FAM149A: variants seen among roughly 807,000 people sequenced by gnomAD.
FAM149A encodes the protein protein FAM149A.
In FAM149A, 71 loss-of-function variants were observed where a neutral mutation model predicts 78.2. That is an observed-to-expected ratio of 0.91 (90% CI 0.75 to 1.11). FAM149A has a LOEUF of 1.11. Among genes scored for constraint, FAM149A ranks in the 50% least tolerant of loss-of-function variants. The pLI, the probability that FAM149A is intolerant of heterozygous loss-of-function variation, is 0.00. For missense variants in FAM149A, 1,036 were observed against 971.0 expected, an observed-to-expected ratio of 1.07 and a Z score of -0.89; for synonymous variants, 446 against 410.5, an observed-to-expected ratio of 1.09 and a Z score of -1.04.
chr4:186,161,709 A>T (rs904103630), intron 8 of FAM149A, among the ~76,000 whole-genome samples: 24 of 152,342 alleles, frequency 1.6e-4, no homozygotes, highest in Admixed American at 1.5e-3. Flanking sequence ...TGTTAAAAAA[A>T]AATAAGTGGA....
At chr4:186,146,748 G>C in intron 1 of FAM149A, 1 of 967,384 alleles carries the variant, frequency 1.0e-6, no homozygotes, top group South Asian at 4.8e-5. Flanking sequence ...ACTTTTTAAC[G>C]AGTAAAACGT....
intron 3 of FAM149A, among the ~76,000 whole-genome samples, chr4:186,150,595 A>AT (rs1733475548): frequency 1.0e-5 from 1 of 97,454 alleles, no homozygotes; most frequent in Non-Finnish European, 2.1e-5. Context: ...AATTTTTTGT[A>AT]TTTTTAATAG....
intron 10 of FAM149A, among the ~76,000 whole-genome samples, chr4:186,165,091 C>A (rs924789097): frequency 3.9e-5 from 6 of 152,186 alleles, no homozygotes; most frequent in Admixed American, 2.0e-4. Flanking sequence ...CTGACCCCCC[C>A]ACACACCAGC....
intron 13 of FAM149A, chr4:186,169,111 T>G: frequency 1.3e-6 from 1 of 763,186 alleles, no homozygotes; most frequent in Non-Finnish European, 1.6e-6. Context: ...AAGTAGAGGT[T>G]TGGAGTGGGA....
In FAM149A at chr4:186,167,016, G is replaced by A. The variant is rs141044925; in HGVS notation, c.2059G>A (p.Gly687Ser). The stretch of plus-strand genomic sequence containing the variant: ...CCGTGTGTTGAGTGCCATGCCTGAC[G>A]GTACAGAACGATCGCGTCTTCGAGA... The change falls in exon 12 of 14, where the codon GGT becomes AGT. Residue 687 changes from glycine (G) to serine (S), a missense_variant. Coordinates refer to ENST00000389354, the MANE Select transcript of FAM149A (RefSeq NM_001367768.3). The A allele has an allele frequency of 9.3e-4, 1,507 of 1,614,048 alleles. 10 individuals carry two copies. The African/African-American group carries it at 0.016, about 17-fold the overall frequency.
At position 186,144,797 on chromosome 4, in the gene FAM149A, G is replaced by T. The variant is rs1280237460; in HGVS notation, c.567-4376G>T. On this transcript the variant is annotated intron_variant, in intron 1 of 13. Coordinates refer to ENST00000389354, the MANE Select transcript of FAM149A (RefSeq NM_001367768.3). This position sits in a 1 kb window ranked among gnomAD's most constrained non-coding sequence, Gnocchi z 4.2. Reference sequence around the variant, plus strand: ...CCGGGATTAGCTGGCGGGCGAGGGCGCAGCGCAGGGAGGAGGAGGGGAGGC... The same window carrying T: ...CCGGGATTAGCTGGCGGGCGAGGGCTCAGCGCAGGGAGGAGGAGGGGAGGC... The T allele has an allele frequency of 2.0e-6, 2 of 981,444 alleles. No homozygotes were observed. Among genetic ancestry groups the T allele is most frequent in the African/African-American group, 1.8e-5 (1 of 56,890 alleles). 60.8% of individuals were successfully genotyped at this position (981,444 alleles called of 1,614,324 possible).
chr4:186,126,190 G>A (rs947752106), intron 1 of FAM149A: 21 of 733,224 alleles, frequency 2.9e-5, no homozygotes, highest in South Asian at 1.2e-4. Flanking sequence ...AGTAAGCCTC[G>A]CGCCTTGTTA....
chr4:186,146,480 C>T, intron 1 of FAM149A: 1 of 985,382 alleles, frequency 1.0e-6, no homozygotes, highest in Non-Finnish European at 1.2e-6. Flanking sequence ...GAGATGAGTT[C>T]CTCCGTTTTG....
At chr4:186,153,488 C>G in intron 4 of FAM149A, 157 bp from the exon 5 acceptor site, 5 of 984,880 alleles carry the variant, frequency 5.1e-6, no homozygotes, top group Non-Finnish European at 6.0e-6. Flanking sequence ...CCTAAACTCT[C>G]AAAGTCACAC....
chr4:186,150,460 C>T (rs1352433137), intron 3 of FAM149A, among the ~76,000 whole-genome samples: 4 of 125,022 alleles, frequency 3.2e-5, no homozygotes, highest in East Asian at 2.4e-4. Flanking sequence ...CGCTCTGTCG[C>T]CCAGGCTGGA....
At chr4:186,154,099 C>T (rs764291034) in intron 5 of FAM149A, among the ~76,000 whole-genome samples, 1 of 152,188 alleles carries the variant, frequency 6.6e-6, no homozygotes, top group Non-Finnish European at 1.5e-5. Flanking sequence ...GGATTATAAG[C>T]CTCCAGGCGG....
At position 186,128,160 on chromosome 4, in the gene FAM149A, T is replaced by G. The variant is rs148035663; in HGVS notation, c.567-21013T>G. The stretch of plus-strand genomic sequence containing the variant: ...TGCATGCCACCATGCCCCACTAATT[T>G]TTGTATTTTTAGTAGAGATGGCTTC... On this transcript the variant is annotated intron_variant, in intron 1 of 13. Transcript: ENST00000389354. 8.9e-3 allele frequency among the ~76,000 whole-genome samples: 1,348 copies of G among 152,026 alleles called. 25 individuals are homozygous for G. Among genetic ancestry groups the G allele is most frequent in the African/African-American group, 0.031 (1,289 of 41,472 alleles).
At chr4:186,150,918 C>G (rs1733520037) in intron 3 of FAM149A, 1 of 306,474 alleles carries the variant, frequency 3.3e-6, no homozygotes, top group Non-Finnish European at 4.8e-6. Context: ...GACGGTGTTT[C>G]ACCATGTTGG....
intron 6 of FAM149A, among the ~76,000 whole-genome samples, chr4:186,155,467 A>T (rs1733973533): frequency 6.6e-6 from 1 of 152,230 alleles, no homozygotes; most frequent in Non-Finnish European, 1.5e-5. Flanking sequence ...ACTCACAAAT[A>T]TGTGTAAACT....
At position 186,131,834 on chromosome 4, in the gene FAM149A, A is replaced by T. The variant is rs572450943; in HGVS notation, c.567-17339A>T. 8.5e-6 allele frequency: 8 copies of T among 946,000 alleles called. No homozygotes were observed. The East Asian group carries it at 5.8e-4, about 69-fold the overall frequency. 58.6% of individuals were successfully genotyped at this position (946,000 alleles called of 1,614,324 possible). A position where few individuals can be genotyped will look rare whatever the true frequency, so the allele number is the denominator to read the frequency against. ...ACAAAATAATTGCTAACCAAAAAGT[A>T]AAAGTTACACTGCATTAAAATTAAG... On this transcript the variant is annotated intron_variant, in intron 1 of 13. Transcript: ENST00000389354.
intron 1 of FAM149A, among the ~76,000 whole-genome samples, chr4:186,119,341 T>G (rs1266831715): frequency 1.3e-5 from 2 of 152,040 alleles, no homozygotes; most frequent in African/African-American, 2.4e-5. Flanking sequence ...TTTTGAGAGG[T>G]AGAAATAATG....
At chr4:186,154,320 G>A (rs6552958) in intron 5 of FAM149A, 148 bp from the exon 6 acceptor site, 275,615 of 588,986 alleles carry the variant, frequency 0.47, 67,922 homozygotes, top group African/African-American at 0.76. Context: ...TTTTAAGGAC[G>A]TGAGTTTTGT....
intron 3 of FAM149A, 26 bp from the exon 4 acceptor site, chr4:186,151,877 G>A (rs781412821): frequency 8.7e-6 from 14 of 1,612,056 alleles, no homozygotes; most frequent in Admixed American, 5.0e-5. Flanking sequence ...TTGCAGTGTT[G>A]TAACCAAGTG....
chr4:186,146,674 C>T (rs555573432), intron 1 of FAM149A: 6 of 712,754 alleles, frequency 8.4e-6, no homozygotes, highest in African/African-American at 7.7e-5. Flanking sequence ...TTGAGCAGAG[C>T]AGATGCTCCG....
Sources: allele counts gnomAD v4.1 joint callset (sites outside exome capture counted in the v4.1 genomes callset), GRCh38; gene constraint gnomAD v4.1.1; non-coding constraint Gnocchi (gnomAD v3.1); transcripts MANE v1.5; gene names NCBI Gene and HGNC (gene_info 2026-07-23, HGNC 2026-07-21).